The following SIPA1L3 variants were observed in gnomAD, a reference collection of about 807,000 sequenced individuals.
The protein encoded by SIPA1L3 is signal-induced proliferation-associated 1-like protein 3.
A neutral mutation model predicts 150.1 loss-of-function variants in SIPA1L3; 59 were observed. The observed-to-expected ratio is 0.39, with a 90% CI of 0.32 to 0.49. The LOEUF is 0.49. Among genes scored for constraint, SIPA1L3 ranks in the 20% least tolerant of loss-of-function variants. The pLI is 0.86. For synonymous variants in SIPA1L3, 1,070 were observed against 1,077.6 expected, an observed-to-expected ratio of 0.99 and a Z score of 0.14; for missense variants, 2,211 against 2,489.5, an observed-to-expected ratio of 0.89 and a Z score of 2.38.
In SIPA1L3 at chr19:38,207,212, G is replaced by GTT; in HGVS notation, c.*980_*981dup. On this transcript the variant is annotated 3_prime_UTR_variant, in exon 22 of 22. Transcript: ENST00000222345. ...AGAACAGCCTTCATCTCCTCCTCTG[G>GTT]TTTTTTTTTCCTTTGCAAGTCTCCC... is the stretch of plus-strand genomic sequence containing the variant. 1 of 150,138 alleles carries GTT rather than the reference G, an allele frequency of 6.7e-6. No homozygotes were observed. The highest frequency in any genetic ancestry group is 1.5e-5 in the Non-Finnish European group (1 of 67,378). 9.3% of individuals were successfully genotyped at this position (150,138 alleles called of 1,614,324 possible).
At chr19:37,944,007 C>G (rs957701798) in intron 1 of SIPA1L3, among the ~76,000 whole-genome samples, 1 of 152,040 alleles carries the variant, frequency 6.6e-6, no homozygotes, top group Non-Finnish European at 1.5e-5. Context: ...AAAGCATGGG[C>G]CGGACACGCC....
intron 12 of SIPA1L3, among the ~76,000 whole-genome samples, chr19:38,144,844 G>A (rs1305805256): frequency 6.6e-6 from 1 of 152,220 alleles, no homozygotes; most frequent in African/African-American, 2.4e-5. Flanking sequence ...AGCACTGGAG[G>A]TCTAGACTGG....
At chr19:37,938,066 G>T (rs2046617838) in intron 1 of SIPA1L3, among the ~76,000 whole-genome samples, 1 of 151,898 alleles carries the variant, frequency 6.6e-6, no homozygotes, top group African/African-American at 2.4e-5. Flanking sequence ...AAAAGAAAAA[G>T]ATATACTGTA....
At chr19:38,103,364 C>T (rs1186490767) in intron 6 of SIPA1L3, among the ~76,000 whole-genome samples, 4 of 151,728 alleles carry the variant, frequency 2.6e-5, no homozygotes, top group Admixed American at 2.6e-4. Flanking sequence ...CAATGGCCCA[C>T]GCCTGTAATC....
rs759523221 is a variant in SIPA1L3, at chr19:38,198,529, G to A, written c.4981G>A (p.Glu1661Lys). The change falls in exon 19 of 22, where the codon GAA becomes AAA. Residue 1661 changes from glutamate (E) to lysine (K), a missense_variant. By Grantham distance (56) the Glu-to-Lys change is moderately conservative (BLOSUM62 1). Transcript: ENST00000222345. The stretch of plus-strand genomic sequence containing the variant: ...CCTGGTGAACGCAGCCAAGGCATAC[G>A]AAGGTAGGCGCCTTCCACCCAGTCC... ...SSLVNAAKAY[E>K]VQRAVSLFSL... 8.4e-6 allele frequency: 13 copies of A among 1,555,170 alleles called. No homozygotes were observed. Among genetic ancestry groups the A allele is most frequent in the Admixed American group, 7.8e-5 (4 of 51,206 alleles).
At chr19:38,000,769 A>G (rs1967764991) in intron 1 of SIPA1L3, among the ~76,000 whole-genome samples, 1 of 149,352 alleles carries the variant, frequency 6.7e-6, no homozygotes, top group Non-Finnish European at 1.5e-5. Context: ...ATGCTGGGAA[A>G]AAAAAGACTG....
chr19:37,910,142 A>G (rs988899491), intron 1 of SIPA1L3, among the ~76,000 whole-genome samples: 1 of 152,192 alleles, frequency 6.6e-6, no homozygotes, highest in Non-Finnish European at 1.5e-5. Flanking sequence ...TTGCTGTAAA[A>G]TATATTTTAC....
intron 9 of SIPA1L3, among the ~76,000 whole-genome samples, chr19:38,122,597 C>T (rs970965756): frequency 6.6e-6 from 1 of 152,194 alleles, no homozygotes; most frequent in South Asian, 2.1e-4. Flanking sequence ...CACCTCTCTG[C>T]CTAAACCCTC....
intron 10 of SIPA1L3, among the ~76,000 whole-genome samples, chr19:38,135,479 A>C (rs185053085): frequency 2.1e-3 from 313 of 152,288 alleles, no homozygotes; most frequent in Non-Finnish European, 3.6e-3. Context: ...CTCCTCGAGG[A>C]AGGACATGCA....
At chr19:37,927,651 TGGG>T (rs775400516) in intron 1 of SIPA1L3, among the ~76,000 whole-genome samples, 2 of 91,594 alleles carry the variant, frequency 2.2e-5, no homozygotes. Context: ...AATAAGAACA[TGGG>T]GTGTGTGTGT....
chr19:38,162,460 C>G, intron 14 of SIPA1L3, 89 bp downstream of exon 14: 1 of 879,596 alleles, frequency 1.1e-6, no homozygotes, highest in Non-Finnish European at 1.9e-6. Flanking sequence ...CATCCTCAAC[C>G]TCTGCCACCT....
rs1198158566 is a variant in SIPA1L3, at chr19:38,061,616, C to T, written c.-310-19640C>T. 2.6e-5 allele frequency among the ~76,000 whole-genome samples: 4 copies of T among 151,860 alleles called. No individual in the cohort carries two copies. In the South Asian group the frequency reaches 8.3e-4, roughly 32 times the overall value. ...AGAGAAAAACAGAATGAGAGACAGA[C>T]AAGGACAGGGCCGTGGAGAGACAGG... On this transcript the variant is annotated intron_variant, in intron 2 of 21. Coordinates refer to ENST00000222345, the MANE Select transcript of SIPA1L3 (RefSeq NM_015073.3).
chr19:38,107,413 G>A lies in SIPA1L3; in HGVS notation c.2133+773G>A, dbSNP rs546675709. ...TTTCCTGAACTGGGTGGGTGTGGCT[G>A]CCAGCAGGAGGCAGGGATACCAGGT... On this transcript the variant is annotated intron_variant, in intron 7 of 21. Transcript: ENST00000222345. Among the ~76,000 whole-genome samples, 16 of 152,304 alleles carry A rather than the reference G, an allele frequency of 1.1e-4. 1 individual carries two copies. The South Asian group carries it at 1.7e-3, about 16-fold the overall frequency.
At chr19:37,949,658 T>A (rs1307108388) in intron 1 of SIPA1L3, among the ~76,000 whole-genome samples, 2 of 148,652 alleles carry the variant, frequency 1.3e-5, no homozygotes, top group Non-Finnish European at 1.5e-5. Flanking sequence ...AGAGAAACTC[T>A]GTCTCAAAAA....
In SIPA1L3 at chr19:38,082,343, GA is replaced by G. The variant is rs1568539596; in HGVS notation, c.779del (p.Asp260AlafsTer46). On this transcript the variant is annotated frameshift_variant, in exon 3 of 22. Transcript: ENST00000222345. LOFTEE classifies it high-confidence loss of function. ...GGGGGGCGGCGGCGGAGCCAAGGGG[GA>G]CTCCCACAACGGGCAGCCCGCCAAG... ...LMGGGGGAKG[D>X]SHNGQPAKDS... The G allele has an allele frequency of 6.3e-7, 1 of 1,598,718 alleles. No individual in the cohort carries two copies. The highest frequency in any genetic ancestry group is 1.7e-5 in the Admixed American group (1 of 59,828).
At chr19:38,077,708 T>C (rs1568535696) in intron 2 of SIPA1L3, among the ~76,000 whole-genome samples, 3 of 141,240 alleles carry the variant, frequency 2.1e-5, no homozygotes, top group Non-Finnish European at 3.0e-5. Flanking sequence ...TCTCACTCTG[T>C]TGCCTAGGCT....
At chr19:37,977,224 G>A (rs1397682398) in intron 1 of SIPA1L3, among the ~76,000 whole-genome samples, 1 of 152,086 alleles carries the variant, frequency 6.6e-6, no homozygotes, top group Admixed American at 6.6e-5. Flanking sequence ...GAGTGCAGTG[G>A]TGTGGTCTTG....
At chr19:38,130,937 A>G in intron 10 of SIPA1L3, 165 bp downstream of exon 10, 1 of 704,292 alleles carries the variant, frequency 1.4e-6, no homozygotes, top group Non-Finnish European at 2.3e-6. Context: ...GCACATCTAC[A>G]GAGCGCTTAC....
intron 13 of SIPA1L3, among the ~76,000 whole-genome samples, chr19:38,161,931 A>G (rs1328625577): frequency 6.6e-6 from 1 of 151,940 alleles, no homozygotes; most frequent in African/African-American, 2.4e-5. Context: ...AGTCCTAGCT[A>G]CTTGGGAGGC....
Sources: allele counts gnomAD v4.1 joint callset (sites outside exome capture counted in the v4.1 genomes callset), GRCh38; gene constraint gnomAD v4.1.1; transcripts MANE v1.5; gene names NCBI Gene and HGNC (gene_info 2026-07-23, HGNC 2026-07-21).